Variants in ODAD3 observed in about 807,000 individuals in gnomAD.
ODAD3 encodes outer dynein arm-docking complex subunit 3.
Under a neutral mutation model 70.9 loss-of-function variants are expected in ODAD3, and 57 were observed. The ratio of observed to expected loss-of-function variants is 0.80; its 90% CI spans 0.65 to 1.00. The LOEUF (loss-of-function observed/expected upper bound fraction) is 1.00. Among genes scored for constraint, ODAD3 ranks in the 50% least tolerant of loss-of-function variants. ODAD3 has a pLI of 0.00. For missense variants in ODAD3, 797 were observed against 763.9 expected (o/e 1.04, Z -0.51); for synonymous variants, 327 against 315.9 (o/e 1.04, Z -0.37).
chr19:11,421,057 G>T (rs1316537229), intron 12 of ODAD3, 71 bp downstream of exon 12: 1 of 1,586,382 alleles, frequency 6.3e-7, no homozygotes, highest in Non-Finnish European at 8.6e-7. Context: ...CCTGAACAGG[G>T]TATCTGACAA....
Position 11,434,919 on chromosome 19 carries a change from G to T in ODAD3, c.98C>A (p.Ser33Ter), listed in dbSNP as rs1969627663. 9 of 1,614,088 alleles carry T rather than the reference G, an allele frequency of 5.6e-6. No homozygotes were observed. Among genetic ancestry groups the T allele is most frequent in the Non-Finnish European group, 7.6e-6 (9 of 1,180,034 alleles). The stretch of plus-strand genomic sequence containing the variant: ...GCCTCGGAGGTGGCTGGGTTTGCCC[G>T]AAGCCTCCCTGCCCTTGACCCTGGA... ...PSSRVKGREASGKPSHLRGKG... is the reference protein window; with the variant it reads ...PSSRVKGREA Residue 33 changes from serine to a stop codon, truncating the protein, a stop_gained, in exon 1 of 13, where the codon TCG becomes TAG. Transcript: ENST00000356392. LOFTEE classifies it high-confidence loss of function.
In ODAD3 at chr19:11,421,185, GC is replaced by G. The variant is rs770125500; in HGVS notation, c.1617del (p.Glu541AsnfsTer29). Reference protein sequence around the residue: ...REFLASLEGRLPEYNTRIALP... With the variant: ...REFLASLEGRXPEYNTRIALP... ...AGGGCGATGCGGGTGTTGTATTCGG[GC>G]AGCCTTCCCTCTAAGCTGGCGAGGA... On this transcript the variant is annotated frameshift_variant, in exon 12 of 13. Transcript: ENST00000356392. LOFTEE classifies it high-confidence loss of function. 6.2e-7 allele frequency: 1 copy of G among 1,613,498 alleles called. No homozygotes were observed. Among genetic ancestry groups the G allele is most frequent in the Non-Finnish European group, 8.5e-7 (1 of 1,179,882 alleles).
chr19:11,429,835 G>GA (rs1185838774), intron 3 of ODAD3, among the ~76,000 whole-genome samples: 1 of 148,688 alleles, frequency 6.7e-6, no homozygotes, highest in African/African-American at 2.5e-5. Context: ...ACCGCGCCCA[G>GA]CCTTTTTTTT....
At chr19:11,423,843 G>T (rs573902356) in intron 8 of ODAD3, 34 bp downstream of exon 8, 15 of 1,151,512 alleles carry the variant, frequency 1.3e-5, no homozygotes, top group South Asian at 3.8e-5. Flanking sequence ...GGTGGGGGGG[G>T]GGCGCGGCGG....
chr19:11,421,758 C>A lies in ODAD3; in HGVS notation c.1509G>T (p.Val503=), dbSNP rs1969139957. The A allele has an allele frequency of 6.2e-7, 1 of 1,613,348 alleles. No homozygotes were observed. Among genetic ancestry groups the A allele is most frequent in the Admixed American group, 1.7e-5 (1 of 60,010 alleles). Residue 503 remains valine, a synonymous_variant, in exon 11 of 13, where the codon GTG becomes GTT. Coordinates refer to ENST00000356392, the MANE Select transcript of ODAD3 (RefSeq NM_145045.5). Reference sequence around the variant, plus strand: ...CCTGCAGTTTCAGCAGCTTTTCCTCCACGAGGCCCAGCAGGTTTGGCACAT... The same window carrying A: ...CCTGCAGTTTCAGCAGCTTTTCCTCAACGAGGCCCAGCAGGTTTGGCACAT... ...DNYVPNLLGL[V]EEKLLKLQAQ...
Position 11,434,824 on chromosome 19 carries a change from G to A in ODAD3, c.193C>T (p.Pro65Ser). 3 of 1,614,144 alleles carry A rather than the reference G, an allele frequency of 1.9e-6. No homozygotes were observed. Among genetic ancestry groups the A allele is most frequent in the South Asian group, 1.1e-5 (1 of 91,088 alleles). Residue 65 changes from proline (P) to serine (S), a missense_variant, in exon 1 of 13, where the codon CCC (proline) becomes TCC (serine). Pro to Ser is a moderately conservative substitution (Grantham distance 74, BLOSUM62 -1). Transcript: ENST00000356392. ...GGSFHRGAGK[P>S]SVHSQVAELH... ...TCAGCCACCTGAGAGTGCACAGAGG[G>A]CTTCCCTGCACCTCTGTGGAAGGAT... is the stretch of plus-strand genomic sequence containing the variant.
chr19:11,425,608 TGTATATATGC>T (rs1306392078), intron 7 of ODAD3, among the ~76,000 whole-genome samples: 1 of 132,544 alleles, frequency 7.5e-6, no homozygotes, highest in African/African-American at 3.8e-5. Flanking sequence ...TATATGTGTG[TGTATATATGC>T]ATATATGCAT....
At position 11,422,495 on chromosome 19, in the gene ODAD3, G is replaced by A. The variant is rs749048968; in HGVS notation, c.1410C>T (p.Ala470=). The change falls in exon 10 of 13, where the codon GCC becomes GCT. Residue 470 remains alanine, a synonymous_variant. Coordinates refer to ENST00000356392, the MANE Select transcript of ODAD3 (RefSeq NM_145045.5). The surrounding 1 kb of genome is among the most constrained non-coding windows in gnomAD (Gnocchi z 4.6). The part of the protein sequence containing the change: ...QVAKDSLEHL[A]SKLIHITVED... ...CCACAGTGATGTGGATCAGCTTGCTGGCCAGGTGCTCCAGGCTGTCCTTGG... is the reference window on the plus strand; with the variant it reads ...CCACAGTGATGTGGATCAGCTTGCTAGCCAGGTGCTCCAGGCTGTCCTTGG... The A allele has an allele frequency of 6.3e-7, 1 of 1,594,676 alleles. No homozygotes were observed. The highest frequency in any genetic ancestry group is 1.1e-5 in the South Asian group (1 of 88,094).
Position 11,422,443 on chromosome 19 carries a change from G to A in ODAD3, c.1434+28C>T. On this transcript the variant is annotated intron_variant, in intron 10 of 12. Transcript: ENST00000356392. The surrounding 1 kb of genome is among the most constrained non-coding windows in gnomAD (Gnocchi z 4.6). ...CGCCTCTGCGGTCCCAGGAGGGCCT[G>A]TCGGGGCTTCCCCTGGGCGGGGCCT... 6.5e-7 allele frequency: 1 copy of A among 1,538,496 alleles called. No individual in the cohort carries two copies. Among genetic ancestry groups the A allele is most frequent in the Non-Finnish European group, 8.8e-7 (1 of 1,140,338 alleles).
chr19:11,434,915 G>C lies in ODAD3; in HGVS notation c.102C>G (p.Gly34=), dbSNP rs1969627396. The C allele has an allele frequency of 9.3e-6, 15 of 1,614,102 alleles. No individual in the cohort carries two copies. In the East Asian group the frequency reaches 3.3e-4, roughly 36 times the overall value. The change falls in exon 1 of 13, where the codon GGC becomes GGG. Residue 34 remains glycine (G), a synonymous_variant. Coordinates refer to ENST00000356392, the MANE Select transcript of ODAD3 (RefSeq NM_145045.5). ...SSRVKGREAS[G]KPSHLRGKGT... ...CCTTGCCTCGGAGGTGGCTGGGTTTGCCCGAAGCCTCCCTGCCCTTGACCC... is the reference window on the plus strand; with the variant it reads ...CCTTGCCTCGGAGGTGGCTGGGTTTCCCCGAAGCCTCCCTGCCCTTGACCC...
chr19:11,425,406 T>C (rs1338231177), intron 7 of ODAD3, among the ~76,000 whole-genome samples: 3 of 111,148 alleles, frequency 2.7e-5, no homozygotes, highest in Non-Finnish European at 4.9e-5. Flanking sequence ...TATATGTATA[T>C]ATACATATAT....
chr19:11,420,907 G>A lies in ODAD3; in HGVS notation c.1716C>T (p.Arg572=), dbSNP rs1241700197. ...SEEEDNEVVT[R]ASLKIRSQKL... is the part of the protein sequence containing the mutation. ...TCTGGGAACGGATCTTGAGTGATGC[G>A]CGGGTCACTACCTCGTTGTCCTCCT... Residue 572 remains arginine, a synonymous_variant, in exon 13 of 13, where the codon CGC becomes CGT. Coordinates refer to ENST00000356392, the MANE Select transcript of ODAD3 (RefSeq NM_145045.5). The A allele has an allele frequency of 1.9e-6, 3 of 1,613,770 alleles. No individual in the cohort carries two copies. The highest frequency in any genetic ancestry group is 2.7e-5 in the African/African-American group (2 of 74,820).
chr19:11,423,707 A>T (rs960808251), intron 8 of ODAD3, among the ~76,000 whole-genome samples, 170 bp downstream of exon 8: 1 of 151,932 alleles, frequency 6.6e-6, no homozygotes, highest in African/African-American at 2.4e-5. Flanking sequence ...ACTGAACGGT[A>T]GCTGGAGGGG....
At chr19:11,421,290 T>C (rs1379925338) in intron 11 of ODAD3, 78 bp from the exon 12 acceptor site, 1 of 1,321,938 alleles carries the variant, frequency 7.6e-7, no homozygotes, top group Non-Finnish European at 1.0e-6. Context: ...CCCTCCTCCC[T>C]ACCCCATTCC....
At chr19:11,427,088 G>T in intron 3 of ODAD3, 48 bp from the exon 4 acceptor site, 1 of 1,496,368 alleles carries the variant, frequency 6.7e-7, no homozygotes, top group South Asian at 1.3e-5. Flanking sequence ...ACCCTACCCC[G>T]ACACACACCT....
chr19:11,431,232 C>T (rs1400495038), intron 1 of ODAD3: 2 of 555,754 alleles, frequency 3.6e-6, no homozygotes, highest in African/African-American at 3.8e-5. Context: ...CTGCTTCAGC[C>T]TCCCAAGTAG....
In ODAD3 at chr19:11,426,547, G is replaced by C; in HGVS notation, c.739C>G (p.Arg247Gly). The C allele has an allele frequency of 1.9e-6, 3 of 1,614,030 alleles. No individual in the cohort carries two copies. In the South Asian group the frequency reaches 3.3e-5, roughly 18 times the overall value. The stretch of plus-strand genomic sequence containing the variant: ...ACCTCAGCCTCCATGGAGTCCAGCC[G>C]GTTCTCCAAGTTGAGGCTCTCGTCC... ...LMDESLNLEN[R>G]LDSMEAEVVR... Residue 247 changes from arginine (R) to glycine (G), a missense_variant, in exon 6 of 13, where the codon CGG (arginine) becomes GGG (glycine). Physicochemically the swap from Arg to Gly is moderately radical, Grantham distance 125. Transcript: ENST00000356392.
At chr19:11,424,885 A>G (rs12971303) in intron 7 of ODAD3, among the ~76,000 whole-genome samples, 7,030 of 49,008 alleles carry the variant, frequency 0.14, 15 homozygotes, top group Admixed American at 0.17. Flanking sequence ...ATGTGTATAT[A>G]TACCTATGTG....
intron 7 of ODAD3, among the ~76,000 whole-genome samples, chr19:11,425,725 A>G (rs1969354715): frequency 6.6e-6 from 1 of 150,646 alleles, no homozygotes; most frequent in Admixed American, 6.6e-5. Flanking sequence ...AAAAACAAAA[A>G]GGCAGGACAG....
Sources: allele counts gnomAD v4.1 joint callset (sites outside exome capture counted in the v4.1 genomes callset), GRCh38; gene constraint gnomAD v4.1.1; non-coding constraint Gnocchi (gnomAD v3.1); transcripts MANE v1.5; gene names NCBI Gene and HGNC (gene_info 2026-07-23, HGNC 2026-07-21).